Variants in OPCML observed in about 807,000 individuals in gnomAD.
OPCML encodes opioid binding protein/cell adhesion molecule like.
Under a neutral mutation model 37.8 loss-of-function variants are expected in OPCML, and 13 were observed. That is an observed-to-expected ratio of 0.34 (90% CI 0.22 to 0.55). The LOEUF (loss-of-function observed/expected upper bound fraction) is 0.55. Ranked by LOEUF, OPCML falls within the 20% of genes least tolerant of loss-of-function variation. OPCML has a pLI of 0.91. For synonymous variants in OPCML, 176 were observed against 168.8 expected, an observed-to-expected ratio of 1.04 and a Z score of -0.33; for missense variants, 341 against 435.6, an observed-to-expected ratio of 0.78 and a Z score of 1.93.
rs868396436 is a variant in OPCML at position 132,826,558 on chromosome 11, A to G, written c.146+116368T>C. Reference sequence around the variant, plus strand: ...CAACAGCCATGTGACCTGTCTCAAGATTATTCCATAGAGCAGAAAAGAATA... The same window carrying G: ...CAACAGCCATGTGACCTGTCTCAAGGTTATTCCATAGAGCAGAAAAGAATA... On this transcript the variant is annotated intron_variant, in intron 2 of 7. Transcript: ENST00000524381. Among the ~76,000 whole-genome samples the G allele has an allele frequency of 3.3e-5, 5 of 152,204 alleles. No individual in the cohort carries two copies. In the South Asian group the frequency reaches 1.0e-3, roughly 32 times the overall value.
chr11:132,677,947 T>C (rs1474676620), intron 2 of OPCML, among the ~76,000 whole-genome samples: 1 of 151,992 alleles, frequency 6.6e-6, no homozygotes, highest in African/African-American at 2.4e-5. Context: ...AAAGACACTG[T>C]CAAAAGAATT....
At chr11:133,163,687 A>C (rs1048039950) in intron 1 of OPCML, among the ~76,000 whole-genome samples, 1 of 152,170 alleles carries the variant, frequency 6.6e-6, no homozygotes, top group African/African-American at 2.4e-5. Context: ...TGAGTGTTGC[A>C]GGAAGGACTA....
intron 1 of OPCML, chr11:133,004,960 A>G: frequency 1.0e-6 from 1 of 985,272 alleles, no homozygotes; most frequent in South Asian, 4.7e-5. Flanking sequence ...GAGCTAGTCT[A>G]CATCATGGTC....
intron 2 of OPCML, among the ~76,000 whole-genome samples, chr11:132,906,245 G>A (rs1944237360): frequency 6.6e-6 from 1 of 152,076 alleles, no homozygotes; most frequent in African/African-American, 2.4e-5. Flanking sequence ...GGACCCATGG[G>A]GCAGGTTCTC....
chr11:133,112,889 C>A (rs1433369824), intron 1 of OPCML, among the ~76,000 whole-genome samples: 1 of 152,192 alleles, frequency 6.6e-6, no homozygotes, highest in Admixed American at 6.5e-5. Flanking sequence ...GAGGCTTTCG[C>A]TGTGTCAGCC....
chr11:132,436,758 G>C lies in OPCML; in HGVS notation c.665C>G (p.Ala222Gly). 1.2e-6 allele frequency: 2 copies of C among 1,614,056 alleles called. No individual in the cohort carries two copies. Among genetic ancestry groups the C allele is most frequent in the Non-Finnish European group, 1.7e-6 (2 of 1,180,018 alleles). ...ACCGACTGAAACACCAGTGTTCTTG[G>C]CTTTTGAGATATAGGGAGGATCTGT... is the stretch of plus-strand genomic sequence containing the variant. The part of the protein sequence containing the change: ...TVNYPPYISK[A>G]KNTGVSVGQK... Residue 222 changes from alanine to glycine, a missense_variant, in exon 6 of 8, where the codon GCC (alanine) becomes GGC (glycine). Transcript: ENST00000524381.
chr11:133,483,338 A>ATAGATAGC (rs1947422191), intron 1 of OPCML, among the ~76,000 whole-genome samples: 1 of 122,074 alleles, frequency 8.2e-6, no homozygotes, highest in African/African-American at 3.7e-5. Flanking sequence ...AGATAGATAG[A>ATAGATAGC]TAATAGATAT....
At chr11:133,386,339 CAAAT>C (rs1201108736) in intron 1 of OPCML, among the ~76,000 whole-genome samples, 3 of 152,108 alleles carry the variant, frequency 2.0e-5, no homozygotes, top group Non-Finnish European at 4.4e-5. Flanking sequence ...GTAACTAAAA[CAAAT>C]AAATCCACTT....
intron 1 of OPCML, among the ~76,000 whole-genome samples, chr11:133,170,675 A>G (rs539933220): frequency 4.3e-4 from 65 of 152,188 alleles, no homozygotes; most frequent in Non-Finnish European, 6.5e-4. Flanking sequence ...TGTAAAGAAA[A>G]TGATGTGTGT....
chr11:133,418,244 G>T, intron 1 of OPCML: 2 of 985,368 alleles, frequency 2.0e-6, no homozygotes, highest in Non-Finnish European at 2.4e-6. Context: ...TTTTAAGAAG[G>T]CCAAGTACAA....
chr11:133,073,021 G>C (rs1473509051), intron 1 of OPCML, among the ~76,000 whole-genome samples: 12 of 152,206 alleles, frequency 7.9e-5, no homozygotes, highest in Admixed American at 6.5e-4. Context: ...GAGAGCTCTT[G>C]AGTGAGTCAC....
intron 1 of OPCML, among the ~76,000 whole-genome samples, chr11:133,272,586 C>T (rs1328853225): frequency 6.6e-5 from 10 of 152,096 alleles, no homozygotes; most frequent in South Asian, 2.1e-4. Context: ...TGGGCCGGCC[C>T]GGGGACGCTC....
At chr11:132,584,628 G>A (rs546383749) in intron 3 of OPCML, among the ~76,000 whole-genome samples, 1 of 152,270 alleles carries the variant, frequency 6.6e-6, no homozygotes, top group South Asian at 2.1e-4. Context: ...GTGAAATGTG[G>A]TTACAGAACT....
intron 2 of OPCML, among the ~76,000 whole-genome samples, chr11:132,793,121 T>TG (rs1165626092): frequency 1.3e-5 from 2 of 152,066 alleles, no homozygotes; most frequent in Admixed American, 6.5e-5. Context: ...AGATGGGCCC[T>TG]GGGCCGCTTG....
chr11:132,745,524 C>A (rs1385726084), intron 2 of OPCML, among the ~76,000 whole-genome samples: 3 of 128,288 alleles, frequency 2.3e-5, no homozygotes, highest in Non-Finnish European at 4.7e-5. Flanking sequence ...GTTTCCCTGG[C>A]AACCATTTAA....
intron 2 of OPCML, among the ~76,000 whole-genome samples, chr11:132,718,803 T>C (rs1304003255): frequency 6.6e-6 from 1 of 152,084 alleles, no homozygotes; most frequent in African/African-American, 2.4e-5. Context: ...GAAAGGAGTG[T>C]GAAGGAGCAG....
At chr11:132,728,879 T>G (rs1944976766) in intron 2 of OPCML, among the ~76,000 whole-genome samples, 1 of 152,138 alleles carries the variant, frequency 6.6e-6, no homozygotes, top group Non-Finnish European at 1.5e-5. Context: ...CCCATTCAAT[T>G]TTGACTACTG....
At chr11:132,650,402 C>G (rs1591672431) in intron 3 of OPCML, among the ~76,000 whole-genome samples, 1 of 152,278 alleles carries the variant, frequency 6.6e-6, no homozygotes, top group East Asian at 1.9e-4. Context: ...AGTTGTCACA[C>G]AGAATAACTA....
rs1380597856 is a variant in OPCML, at chr11:133,140,987, A to ATG, written c.62-197978_62-197977insCA. On this transcript the variant is annotated intron_variant, in intron 1 of 7. Transcript: ENST00000524381. ...GAAGAAGAAGAAGAAGAAGAAGAAG[A>ATG]AGAAGAAGAAGACGACGACGACGAC... Among the ~76,000 whole-genome samples the ATG allele has an allele frequency of 6.5e-4, 3 of 4,650 alleles. 1 individual carries two copies. The highest frequency in any genetic ancestry group is 1.1e-3 in the African/African-American group (3 of 2,762). 3.1% of individuals were successfully genotyped at this position (4,650 alleles called of 152,430 possible). A position where few individuals can be genotyped will look rare whatever the true frequency, so the allele number is the denominator to read the frequency against.
Sources: allele counts gnomAD v4.1 joint callset (sites outside exome capture counted in the v4.1 genomes callset), GRCh38; gene constraint gnomAD v4.1.1; transcripts MANE v1.5; gene names NCBI Gene and HGNC (gene_info 2026-07-23, HGNC 2026-07-21).